SACM1L: variants seen among roughly 807,000 people sequenced by gnomAD.
SACM1L encodes phosphatidylinositol-3-phosphatase SAC1.
A neutral mutation model predicts 89.5 loss-of-function variants in SACM1L; 32 were observed. That is an observed-to-expected ratio of 0.36 (90% CI 0.27 to 0.48). The LOEUF is 0.48. Ranked by LOEUF, SACM1L falls within the 20% of genes least tolerant of loss-of-function variation. The pLI is 0.99. For synonymous variants in SACM1L, 213 were observed against 232.8 expected (o/e 0.92, Z 0.77); for missense variants, 543 against 708.5 (o/e 0.77, Z 2.65).
chr3:45,737,946 C>T (rs372397187), intron 16 of SACM1L, 102 bp downstream of exon 16: 1 of 903,672 alleles, frequency 1.1e-6, no homozygotes, highest in Non-Finnish European at 1.8e-6. Flanking sequence ...GCAACAACAG[C>T]AAGACTCCAG....
At chr3:45,712,170 C>CG (rs778682361) in intron 5 of SACM1L, among the ~76,000 whole-genome samples, 2 of 149,888 alleles carry the variant, frequency 1.3e-5, no homozygotes, top group Non-Finnish European at 2.9e-5. Flanking sequence ...CTTTTAGAGT[C>CG]GGCGGTGCTG....
intron 1 of SACM1L, among the ~76,000 whole-genome samples, chr3:45,700,889 C>T (rs564046849): frequency 6.6e-6 from 1 of 152,218 alleles, no homozygotes; most frequent in Non-Finnish European, 1.5e-5. Flanking sequence ...CCAGGCTGGT[C>T]TCGAACACCT....
chr3:45,710,114 G>T, intron 5 of SACM1L, among the ~76,000 whole-genome samples: 1 of 151,954 alleles, frequency 6.6e-6, no homozygotes, highest in Non-Finnish European at 1.5e-5. Context: ...CTTCTGTAGT[G>T]ATGCTTATTT....
intron 1 of SACM1L, chr3:45,689,869 G>T (rs1306115166): frequency 1.6e-5 from 5 of 321,416 alleles, no homozygotes; most frequent in South Asian, 5.8e-5. Context: ...GAGAAAAAGA[G>T]TTTTCTCTTA....
chr3:45,736,496 A>G (rs1315073417), intron 14 of SACM1L, among the ~76,000 whole-genome samples: 1 of 152,190 alleles, frequency 6.6e-6, no homozygotes, highest in African/African-American at 2.4e-5. Context: ...GAAAGAAATT[A>G]TGGAGGTAAA....
intron 1 of SACM1L, among the ~76,000 whole-genome samples, chr3:45,694,467 C>T (rs1409276202): frequency 1.3e-5 from 2 of 152,258 alleles, no homozygotes; most frequent in Middle Eastern, 3.4e-3. Flanking sequence ...GGGTGTAGGG[C>T]AGCTCAGATT....
At chr3:45,740,095 G>T (rs745543186) in intron 19 of SACM1L, among the ~76,000 whole-genome samples, 5 of 152,128 alleles carry the variant, frequency 3.3e-5, no homozygotes, top group Non-Finnish European at 5.9e-5. Flanking sequence ...TAGGTAGTAA[G>T]ATAAGTGGTC....
At chr3:45,716,322 A>T (rs1575398304) in intron 7 of SACM1L, among the ~76,000 whole-genome samples, 1 of 152,252 alleles carries the variant, frequency 6.6e-6, no homozygotes. Flanking sequence ...AAAATTTTTT[A>T]AAAATTAGGC....
intron 6 of SACM1L, 23 bp downstream of exon 6, chr3:45,713,219 T>G (rs1444032318): frequency 6.3e-7 from 1 of 1,583,704 alleles, no homozygotes; most frequent in East Asian, 2.2e-5. Context: ...AAATAAAATC[T>G]GCTTAATTGT....
chr3:45,708,123 C>T lies in SACM1L; in HGVS notation c.333+1216C>T, dbSNP rs1330676947. ...AAAAAAATTTTTAAAGGTCATGAAACAGTCATAGTTTTTACAATTGACTGT... is the reference window on the plus strand; with the variant it reads ...AAAAAAATTTTTAAAGGTCATGAAATAGTCATAGTTTTTACAATTGACTGT... On this transcript the variant is annotated intron_variant, in intron 4 of 19. Coordinates refer to ENST00000389061, the MANE Select transcript of SACM1L (RefSeq NM_014016.5). Among the ~76,000 whole-genome samples the T allele has an allele frequency of 3.3e-5, 5 of 152,082 alleles. No individual in the cohort carries two copies. In the East Asian group the frequency reaches 9.6e-4, roughly 29 times the overall value.
chr3:45,728,976 A>G (rs1002141036), intron 11 of SACM1L, among the ~76,000 whole-genome samples: 1 of 152,086 alleles, frequency 6.6e-6, no homozygotes, highest in African/African-American at 2.4e-5. Context: ...TCCTGACTGC[A>G]TTTGACTTTT....
chr3:45,695,997 C>CTTTTTTTTTTTTTTTTTTTTTTGTTTTT (rs56074379), intron 1 of SACM1L, among the ~76,000 whole-genome samples: 1 of 134,232 alleles, frequency 7.4e-6, no homozygotes, highest in Non-Finnish European at 1.6e-5. Flanking sequence ...TCAGAATTTC[C>CTTTTTTTTTTTTTTTTTTTTTTGTTTTT]TTTTTTTTTT....
At chr3:45,700,948 A>C (rs781204801) in intron 1 of SACM1L, among the ~76,000 whole-genome samples, 43 of 152,360 alleles carry the variant, frequency 2.8e-4, no homozygotes, top group Non-Finnish European at 5.3e-4. Context: ...GTGGGATTAC[A>C]GGCGTGAGCC....
intron 5 of SACM1L, among the ~76,000 whole-genome samples, chr3:45,712,307 C>T (rs966001516): frequency 2.0e-5 from 3 of 152,182 alleles, no homozygotes; most frequent in Non-Finnish European, 2.9e-5. Context: ...TGCAGTGGCA[C>T]GATCTTGGCT....
At chr3:45,708,381 A>G (rs1457106686) in intron 4 of SACM1L, among the ~76,000 whole-genome samples, 1 of 152,120 alleles carries the variant, frequency 6.6e-6, no homozygotes, top group African/African-American at 2.4e-5. Flanking sequence ...TTCTTAATGT[A>G]ATTTTAGTTA....
intron 9 of SACM1L, 76 bp from the exon 10 acceptor site, chr3:45,722,793 A>G (rs1440406627): frequency 1.9e-6 from 2 of 1,053,714 alleles, no homozygotes; most frequent in Non-Finnish European, 2.9e-6. Flanking sequence ...ATTAATATAT[A>G]CACCCCTGAC....
At chr3:45,698,873 C>T (rs917825836) in intron 1 of SACM1L, among the ~76,000 whole-genome samples, 1 of 152,070 alleles carries the variant, frequency 6.6e-6, no homozygotes, top group African/African-American at 2.4e-5. Flanking sequence ...TTCAAGCAAG[C>T]GATTCCCCTG....
chr3:45,698,807 A>G (rs12633747), intron 1 of SACM1L, among the ~76,000 whole-genome samples: 61,013 of 150,974 alleles, frequency 0.4, 14,456 homozygotes, highest in Middle Eastern at 0.55. Flanking sequence ...TTGCTCTGTC[A>G]CCAGCCTAGA....
chr3:45,727,250 C>A (rs1698943000), intron 11 of SACM1L, among the ~76,000 whole-genome samples: 1 of 152,024 alleles, frequency 6.6e-6, no homozygotes, highest in Non-Finnish European at 1.5e-5. Context: ...TTTCTAAGTT[C>A]TCTTGCTGGG....
Sources: gnomAD v4.1 joint callset for allele counts (sites outside exome capture counted in the v4.1 genomes callset) on GRCh38, gnomAD v4.1.1 for gene constraint, MANE v1.5 for transcripts, NCBI Gene and HGNC (gene_info 2026-07-23, HGNC 2026-07-21) for gene names.